The following CCT6B variants were observed in gnomAD, a reference collection of about 807,000 sequenced individuals.
The protein encoded by CCT6B is chaperonin containing TCP1 subunit 6B.
A neutral mutation model predicts 61.5 loss-of-function variants in CCT6B; 49 were observed. The ratio of observed to expected loss-of-function variants is 0.80; its 90% CI spans 0.63 to 1.01. The LOEUF is 1.01. Ranked by LOEUF, CCT6B falls within the 50% of genes least tolerant of loss-of-function variation. The pLI, the probability that CCT6B is intolerant of heterozygous loss-of-function variation, is 0.00. For synonymous variants in CCT6B, 228 were observed against 214.5 expected (o/e 1.06, Z -0.55); for missense variants, 666 against 634.7 (o/e 1.05, Z -0.53).
intron 3 of CCT6B, among the ~76,000 whole-genome samples, chr17:34,957,902 A>T (rs1489141582): frequency 6.6e-6 from 1 of 152,204 alleles, no homozygotes; most frequent in East Asian, 1.9e-4. Context: ...AGGTAAATTC[A>T]CAATAAGTAA....
chr17:34,942,131 AT>A (rs1335117298), intron 7 of CCT6B, among the ~76,000 whole-genome samples: 1 of 151,832 alleles, frequency 6.6e-6, no homozygotes, highest in Admixed American at 6.6e-5. Flanking sequence ...TCAAAATTTA[AT>A]AAATTAATAA....
At chr17:34,941,522 T>A (rs970183634) in intron 7 of CCT6B, among the ~76,000 whole-genome samples, 4 of 152,238 alleles carry the variant, frequency 2.6e-5, no homozygotes, top group Admixed American at 2.6e-4. Context: ...GAAATTCTAA[T>A]TTTTTAAAAA....
chr17:34,953,982 AC>A (rs2090320891), intron 4 of CCT6B, among the ~76,000 whole-genome samples: 1 of 151,768 alleles, frequency 6.6e-6, no homozygotes, highest in Admixed American at 6.6e-5. Flanking sequence ...AATAAACTAA[AC>A]AAACATACAT....
Position 34,958,558 on chromosome 17 carries a change from A to C in CCT6B, c.336+2T>G. ...AACATATAAACTGTGAAATTCTAAT[A>C]CCTCAGAAATGTACAGGTCAGCTTG... On this transcript the variant is annotated splice_donor_variant, in intron 3 of 13. Coordinates refer to ENST00000314144, the MANE Select transcript of CCT6B (RefSeq NM_006584.4). LOFTEE classifies it high-confidence loss of function. The C allele has an allele frequency of 6.7e-7, 1 of 1,491,876 alleles. No homozygotes were observed. The highest frequency in any genetic ancestry group is 9.0e-7 in the Non-Finnish European group (1 of 1,116,726). The allele number at this position is 1,491,876 out of a possible 1,614,324, so 92.4% of individuals were successfully genotyped here. A position where few individuals can be genotyped will look rare whatever the true frequency, so the allele number is the denominator to read the frequency against.
At position 34,954,440 on chromosome 17, in the gene CCT6B, C is replaced by T. The variant is rs983913925; in HGVS notation, c.496G>A (p.Asp166Asn). 1.9e-6 allele frequency: 3 copies of T among 1,605,096 alleles called. No homozygotes were observed. Among genetic ancestry groups the T allele is most frequent in the African/African-American group, 1.3e-5 (1 of 74,364 alleles). Reference sequence around the variant, plus strand: ...TAATAACATACCTCTGTTAAGACATCAGCCAGTTCAGCATGAACTTTAGTT... The same window carrying T: ...TAATAACATACCTCTGTTAAGACATTAGCCAGTTCAGCATGAACTTTAGTT... ...LQTKVHAELADVLTEVVVDSV... is the reference protein window; with the variant it reads ...LQTKVHAELANVLTEVVVDSV... Residue 166 changes from aspartate to asparagine, a missense_variant, in exon 4 of 14, where the codon GAT (aspartate) becomes AAT (asparagine). Coordinates refer to ENST00000314144, the MANE Select transcript of CCT6B (RefSeq NM_006584.4).
At chr17:34,950,995 A>G (rs571561560) in intron 5 of CCT6B, among the ~76,000 whole-genome samples, 1 of 152,198 alleles carries the variant, frequency 6.6e-6, no homozygotes, top group East Asian at 1.9e-4. Context: ...TCCCACAAAA[A>G]CTCTTCAAGA....
chr17:34,949,095 G>A lies in CCT6B; in HGVS notation c.614+2855C>T, dbSNP rs190835407. Among the ~76,000 whole-genome samples, 17 of 86,268 alleles carry A rather than the reference G, an allele frequency of 2.0e-4. 1 individual carries two copies. The highest frequency in any genetic ancestry group is 2.4e-4 in the Non-Finnish European group (11 of 46,232). 56.6% of individuals were successfully genotyped at this position (86,268 alleles called of 152,430 possible). A position where few individuals can be genotyped will look rare whatever the true frequency, so the allele number is the denominator to read the frequency against. ...GGGAGGGGAGGGGAGGGGAGGGGAG[G>A]GAAAAGAAAAGAGAAAAGAAAAGAA... On this transcript the variant is annotated intron_variant, in intron 5 of 13. Transcript: ENST00000314144.
intron 5 of CCT6B, among the ~76,000 whole-genome samples, chr17:34,946,486 G>A (rs993939871): frequency 2.6e-5 from 4 of 152,080 alleles, no homozygotes; most frequent in African/African-American, 9.7e-5. Context: ...GCAGATTTAA[G>A]AAAGAACCAA....
intron 3 of CCT6B, among the ~76,000 whole-genome samples, chr17:34,956,731 T>C (rs1177295849): frequency 6.6e-6 from 1 of 152,166 alleles, no homozygotes; most frequent in Non-Finnish European, 1.5e-5. Context: ...TGAATGGCTT[T>C]ATCTTGCCCT....
intron 3 of CCT6B, among the ~76,000 whole-genome samples, chr17:34,955,323 T>A (rs754080348): frequency 5.3e-5 from 8 of 152,196 alleles, no homozygotes; most frequent in Non-Finnish European, 1.2e-4. Context: ...TAGATAACAG[T>A]AATGTATCAA....
intron 10 of CCT6B, among the ~76,000 whole-genome samples, chr17:34,935,924 C>CAT (rs1555548753): frequency 6.8e-6 from 1 of 147,806 alleles, no homozygotes; most frequent in Non-Finnish European, 1.5e-5. Flanking sequence ...CATTTATTCT[C>CAT]GTGTGTGTGT....
At chr17:34,945,547 C>G (rs2090214227) in intron 5 of CCT6B, among the ~76,000 whole-genome samples, 1 of 152,200 alleles carries the variant, frequency 6.6e-6, no homozygotes, top group Non-Finnish European at 1.5e-5. Context: ...CCCTTTCCTT[C>G]TAAGTACATC....
intron 5 of CCT6B, among the ~76,000 whole-genome samples, chr17:34,950,723 G>A (rs1011154041): frequency 6.6e-6 from 1 of 152,112 alleles, no homozygotes; most frequent in Non-Finnish European, 1.5e-5. Flanking sequence ...AAGGTGAGGA[G>A]TTCGAGACCA....
chr17:34,939,856 ATATT>A (rs1244746070), intron 8 of CCT6B, 143 bp from the exon 9 acceptor site: 5 of 626,130 alleles, frequency 8.0e-6, no homozygotes, highest in Non-Finnish European at 1.4e-5. Context: ...AAAATTGTCT[ATATT>A]TATCGAGTAC....
At chr17:34,939,395 A>C in intron 9 of CCT6B, 65 bp from the exon 10 acceptor site, 1 of 1,320,352 alleles carries the variant, frequency 7.6e-7, no homozygotes, top group Non-Finnish European at 1.1e-6. Context: ...AACAATTTAT[A>C]CTAGAATACA....
At chr17:34,945,488 C>T (rs12453786) in intron 5 of CCT6B, among the ~76,000 whole-genome samples, 22 of 152,124 alleles carry the variant, frequency 1.4e-4, no homozygotes, top group Admixed American at 9.8e-4. Flanking sequence ...TATCTCTGAC[C>T]GCTCTATTTC....
At chr17:34,951,644 T>C (rs142920717) in intron 5 of CCT6B, among the ~76,000 whole-genome samples, 4 of 152,342 alleles carry the variant, frequency 2.6e-5, no homozygotes, top group Admixed American at 2.6e-4. Context: ...TTATTCCAGA[T>C]GTGCACATGG....
chr17:34,933,883 C>G (rs1009794797), intron 10 of CCT6B, among the ~76,000 whole-genome samples: 2 of 152,026 alleles, frequency 1.3e-5, no homozygotes, highest in African/African-American at 2.4e-5. Flanking sequence ...AATCCCAGCA[C>G]TTTGGGAGGC....
rs2090182232 is a variant in CCT6B at position 34,942,885 on chromosome 17, CA to C, written c.635del (p.Leu212TrpfsTer10). The C allele has an allele frequency of 1.2e-6, 2 of 1,602,708 alleles. No individual in the cohort carries two copies. Among genetic ancestry groups the C allele is most frequent in the Admixed American group, 1.7e-5 (1 of 59,200 alleles). On this transcript the variant is annotated frameshift_variant, in exon 6 of 14. Transcript: ENST00000314144. LOFTEE classifies it high-confidence loss of function. ...TATCTGGATGACGGGCACCATGATC[CA>C]AAACTAATCCTTGGATCAACCTATT... is the stretch of plus-strand genomic sequence containing the variant. Reference protein sequence around the residue: ...TDTKLIQGLVLDHGARHPDMK... With the variant: ...TDTKLIQGLVXDHGARHPDMK...
Sources: allele counts gnomAD v4.1 joint callset (sites outside exome capture counted in the v4.1 genomes callset), GRCh38; gene constraint gnomAD v4.1.1; transcripts MANE v1.5; gene names NCBI Gene and HGNC (gene_info 2026-07-23, HGNC 2026-07-21).